CTNNA3: variants seen among roughly 807,000 people sequenced by gnomAD.
CTNNA3 encodes the protein catenin alpha-3.
A neutral mutation model predicts 95.7 loss-of-function variants in CTNNA3; 76 were observed. That is an observed-to-expected ratio of 0.79 (90% CI 0.66 to 0.96). The LOEUF is 0.96. CTNNA3 is among the 40% of genes least tolerant of loss of function. The pLI, the probability that CTNNA3 is intolerant of heterozygous loss-of-function variation, is 0.00. For missense variants in CTNNA3, 1,191 were observed against 1,089.8 expected (o/e 1.09, Z -1.31); for synonymous variants, 431 against 374.4 (o/e 1.15, Z -1.74).
At chr10:67,387,038 G>C (rs77002548) in intron 5 of CTNNA3, among the ~76,000 whole-genome samples, 4 of 152,090 alleles carry the variant, frequency 2.6e-5, no homozygotes, top group East Asian at 1.9e-4. Context: ...CAAGAAGCCC[G>C]TTAGTTGAGG....
intron 5 of CTNNA3, among the ~76,000 whole-genome samples, chr10:67,271,073 G>A (rs1838952689): frequency 6.6e-6 from 1 of 152,138 alleles, no homozygotes; most frequent in South Asian, 2.1e-4. Flanking sequence ...GAATATGCAT[G>A]AGTGAACAAA....
chr10:67,237,455 T>C (rs1360816881), intron 5 of CTNNA3, among the ~76,000 whole-genome samples: 2 of 150,998 alleles, frequency 1.3e-5, no homozygotes, highest in Non-Finnish European at 3.0e-5. Flanking sequence ...AGATGATGGG[T>C]GCACCAAAAT....
chr10:66,476,605 C>T (rs1839335405), intron 11 of CTNNA3, among the ~76,000 whole-genome samples: 1 of 151,778 alleles, frequency 6.6e-6, no homozygotes, highest in South Asian at 2.1e-4. Context: ...ATAATGAAAA[C>T]TATTTACTTT....
chr10:65,972,333 C>G (rs761949462), intron 16 of CTNNA3, among the ~76,000 whole-genome samples: 27 of 152,140 alleles, frequency 1.8e-4, no homozygotes, highest in Middle Eastern at 6.8e-3. Context: ...AAAGTCCCAG[C>G]CACAGCAATC....
At chr10:67,670,595 C>T (rs1840411612) in intron 1 of CTNNA3, among the ~76,000 whole-genome samples, 1 of 152,148 alleles carries the variant, frequency 6.6e-6, no homozygotes, top group African/African-American at 2.4e-5. Context: ...CCTGCCAAAT[C>T]AAACAGTCTG....
At chr10:67,383,309 C>T (rs552257568) in intron 5 of CTNNA3, among the ~76,000 whole-genome samples, 2 of 152,182 alleles carry the variant, frequency 1.3e-5, no homozygotes, top group Admixed American at 6.5e-5. Flanking sequence ...GTACCTACCC[C>T]GTGGCAAGCA....
intron 5 of CTNNA3, among the ~76,000 whole-genome samples, chr10:67,366,659 C>T (rs1218355650): frequency 6.6e-6 from 1 of 151,364 alleles, no homozygotes; most frequent in Non-Finnish European, 1.5e-5. Flanking sequence ...AAAAAAAAGA[C>T]ACATAGATTA....
At chr10:67,327,655 G>A (rs772097268) in intron 5 of CTNNA3, among the ~76,000 whole-genome samples, 3 of 152,172 alleles carry the variant, frequency 2.0e-5, no homozygotes, top group Non-Finnish European at 4.4e-5. Context: ...ACACTCCAAC[G>A]GGTGGTGTCA....
At chr10:67,243,602 T>G (rs1279353657) in intron 5 of CTNNA3, among the ~76,000 whole-genome samples, 1 of 152,124 alleles carries the variant, frequency 6.6e-6, no homozygotes, top group Non-Finnish European at 1.5e-5. Context: ...ACAAGCATGC[T>G]TCTCTGGCTT....
chr10:67,436,585 C>G (rs775380880), intron 5 of CTNNA3, among the ~76,000 whole-genome samples: 1 of 152,006 alleles, frequency 6.6e-6, no homozygotes, highest in Non-Finnish European at 1.5e-5. Context: ...TGACAAAGGA[C>G]TAATATCCAG....
At chr10:66,048,274 C>T (rs181057341) in intron 15 of CTNNA3, among the ~76,000 whole-genome samples, 4 of 151,976 alleles carry the variant, frequency 2.6e-5, no homozygotes, top group African/African-American at 4.8e-5. Flanking sequence ...GTACAGAAAC[C>T]GACAAATAGA....
chr10:67,085,977 C>T (rs1293849405), intron 7 of CTNNA3, among the ~76,000 whole-genome samples: 1 of 151,978 alleles, frequency 6.6e-6, no homozygotes, highest in Non-Finnish European at 1.5e-5. Context: ...CTCATCATAT[C>T]CTACACATAA....
intron 15 of CTNNA3, among the ~76,000 whole-genome samples, chr10:66,044,017 A>T (rs557670573): frequency 2.7e-5 from 4 of 147,698 alleles, no homozygotes; most frequent in Non-Finnish European, 4.5e-5. Context: ...TGTGTTTGAG[A>T]TGGAGTCTCA....
chr10:65,989,336 G>C (rs180941514), intron 15 of CTNNA3, among the ~76,000 whole-genome samples: 1 of 152,054 alleles, frequency 6.6e-6, no homozygotes, highest in Non-Finnish European at 1.5e-5. Context: ...GTTAAGTCAA[G>C]AAATACTGCA....
At chr10:66,590,325 A>T (rs773062660) in intron 10 of CTNNA3, among the ~76,000 whole-genome samples, 18 of 152,214 alleles carry the variant, frequency 1.2e-4, no homozygotes, top group Non-Finnish European at 2.5e-4. Flanking sequence ...CCATTTCCAG[A>T]CTGGAAGCCC....
intron 5 of CTNNA3, among the ~76,000 whole-genome samples, chr10:67,479,815 G>T (rs968575475): frequency 6.6e-6 from 1 of 151,874 alleles, no homozygotes; most frequent in African/African-American, 2.4e-5. Flanking sequence ...TTTTTGCAAG[G>T]ATAGACAAGA....
chr10:67,467,006 C>T (rs373373981), intron 5 of CTNNA3, among the ~76,000 whole-genome samples: 3 of 152,080 alleles, frequency 2.0e-5, no homozygotes, highest in South Asian at 2.1e-4. Flanking sequence ...GGCACAGTAG[C>T]GCACATCTAT....
At chr10:67,380,117 A>G (rs936269878) in intron 5 of CTNNA3, among the ~76,000 whole-genome samples, 1 of 151,582 alleles carries the variant, frequency 6.6e-6, no homozygotes, top group Non-Finnish European at 1.5e-5. Context: ...TCTAATTTCT[A>G]TGTAAGGCAA....
chr10:67,177,833 T>A (rs1589826389), intron 7 of CTNNA3, among the ~76,000 whole-genome samples: 1 of 152,298 alleles, frequency 6.6e-6, no homozygotes, highest in Admixed American at 6.5e-5. Flanking sequence ...AATTACAATA[T>A]TCATTAGTTC....
Sources: gnomAD v4.1 joint callset for allele counts (sites outside exome capture counted in the v4.1 genomes callset) on GRCh38, gnomAD v4.1.1 for gene constraint, MANE v1.5 for transcripts, NCBI Gene and HGNC (gene_info 2026-07-23, HGNC 2026-07-21) for gene names.